METTL15: variants seen among roughly 807,000 people sequenced by gnomAD.
METTL15 encodes 12S rRNA N(4)-cytidine methyltransferase METTL15.
Under a neutral mutation model 38.3 loss-of-function variants are expected in METTL15, and 34 were observed. The ratio of observed to expected loss-of-function variants is 0.89; its 90% CI spans 0.68 to 1.18. METTL15 has a LOEUF of 1.18. Ranked by LOEUF, METTL15 falls within the 50% of genes most tolerant of loss-of-function variation. METTL15 has a pLI of 0.00. For synonymous variants in METTL15, 162 were observed against 170.9 expected (o/e 0.95, Z 0.41); for missense variants, 438 against 498.4 (o/e 0.88, Z 1.15).
chr11:28,294,050 C>T (rs1856633083), intron 5 of METTL15, among the ~76,000 whole-genome samples: 1 of 152,082 alleles, frequency 6.6e-6, no homozygotes, highest in Admixed American at 6.6e-5. Flanking sequence ...CCTTTATTTC[C>T]TTCTCCTGCC....
intron 6 of METTL15, among the ~76,000 whole-genome samples, chr11:28,504,813 C>A (rs763573292): frequency 5.3e-5 from 8 of 152,208 alleles, no homozygotes; most frequent in Admixed American, 2.6e-4. Context: ...GTTTAAACAG[C>A]CACAGAGCAA....
At chr11:28,437,715 C>A (rs1850995471) in intron 6 of METTL15, among the ~76,000 whole-genome samples, 1 of 152,126 alleles carries the variant, frequency 6.6e-6, no homozygotes, top group African/African-American at 2.4e-5. Context: ...TTTATTTTGC[C>A]TAGTACTAGA....
rs567497622 is a variant in METTL15, at chr11:28,137,639, C to T, written c.270+24035C>T. 2.2e-4 allele frequency among the ~76,000 whole-genome samples: 33 copies of T among 152,238 alleles called. 2 individuals are homozygous for T. In the South Asian group the frequency reaches 5.8e-3, roughly 27 times the overall value. ...AGCCAAAGAAGCAGTTTGTAACCTT[C>T]GAACATGTAGCAAACCTAGTATCTG... On this transcript the variant is annotated intron_variant, in intron 3 of 6. Coordinates refer to ENST00000407364, the MANE Select transcript of METTL15 (RefSeq NM_001113528.2).
intron 6 of METTL15, among the ~76,000 whole-genome samples, chr11:28,429,353 C>CTCTCCT (rs1850892144): frequency 1.1e-5 from 1 of 91,220 alleles, no homozygotes; most frequent in Non-Finnish European, 2.3e-5. Context: ...AACAGTAGCC[C>CTCTCCT]TCTCCCTCTC....
intron 3 of METTL15, among the ~76,000 whole-genome samples, chr11:28,193,516 A>G (rs1851776875): frequency 6.6e-6 from 1 of 152,054 alleles, no homozygotes; most frequent in Admixed American, 6.6e-5. Context: ...CCCATAATCC[A>G]ATTGCCTCCC....
chr11:28,370,215 A>C (rs958473334), intron 5 of METTL15, among the ~76,000 whole-genome samples: 1 of 151,814 alleles, frequency 6.6e-6, no homozygotes, highest in Admixed American at 6.6e-5. Flanking sequence ...TCATCCCCCC[A>C]TCTCCCCTAC....
At chr11:28,160,187 G>A (rs181337383) in intron 3 of METTL15, among the ~76,000 whole-genome samples, 1 of 151,856 alleles carries the variant, frequency 6.6e-6, no homozygotes, top group Non-Finnish European at 1.5e-5. Context: ...TTTGGCACTC[G>A]AACTGAGTTC....
intron 4 of METTL15, chr11:28,287,154 CAATGTGTGTGTGTGT>C (rs1200134142): frequency 1.2e-5 from 1 of 85,382 alleles, no homozygotes; most frequent in African/African-American, 4.9e-5. Context: ...GAGAGAGAGA[CAATGTGTGTGTGTGT>C]GTGTGTGTGT....
At chr11:28,489,427 G>A (rs1407774362) in intron 6 of METTL15, among the ~76,000 whole-genome samples, 1 of 152,136 alleles carries the variant, frequency 6.6e-6, no homozygotes, top group Non-Finnish European at 1.5e-5. Flanking sequence ...GCATTCACCT[G>A]TTATCGACAG....
intron 5 of METTL15, among the ~76,000 whole-genome samples, chr11:28,371,763 T>A (rs966591052): frequency 6.6e-6 from 1 of 152,006 alleles, no homozygotes; most frequent in African/African-American, 2.4e-5. Context: ...CCATTGTACA[T>A]GGGTTTGCTT....
At chr11:28,350,806 T>C (rs1850034652) in intron 3 of METTL15, among the ~76,000 whole-genome samples, 1 of 152,220 alleles carries the variant, frequency 6.6e-6, no homozygotes, top group Admixed American at 6.5e-5. Flanking sequence ...TTCTGCTATA[T>C]TTGGGGAAAT....
chr11:28,430,568 C>A (rs1186944195), intron 6 of METTL15, among the ~76,000 whole-genome samples: 1 of 44,876 alleles, frequency 2.2e-5, no homozygotes, highest in Non-Finnish European at 5.1e-5. Context: ...AGCCCCCCGC[C>A]TGGCCAGCCG....
chr11:28,349,106 C>G (rs1404743850), intron 3 of METTL15, among the ~76,000 whole-genome samples: 2 of 152,244 alleles, frequency 1.3e-5, no homozygotes, highest in Non-Finnish European at 2.9e-5. Flanking sequence ...ACATCTACAA[C>G]TAAAACTAAT....
intron 6 of METTL15, among the ~76,000 whole-genome samples, chr11:28,506,809 A>G (rs1851631809): frequency 1.4e-5 from 2 of 147,982 alleles, no homozygotes; most frequent in African/African-American, 2.5e-5. Context: ...CAGTGGCACA[A>G]TCTTGGCTCA....
intron 4 of METTL15, among the ~76,000 whole-genome samples, chr11:28,269,539 ATGT>A (rs1328301512): frequency 6.6e-6 from 1 of 152,078 alleles, no homozygotes; most frequent in Non-Finnish European, 1.5e-5. Context: ...AATTAACTGC[ATGT>A]TGTTGTTATT....
intron 4 of METTL15, among the ~76,000 whole-genome samples, chr11:28,247,520 C>A (rs1169188620): frequency 6.6e-6 from 1 of 152,036 alleles, no homozygotes; most frequent in African/African-American, 2.4e-5. Context: ...GAAATGAATT[C>A]ATACTTTAAT....
chr11:28,340,327 T>C (rs1464618971), intron 3 of METTL15, among the ~76,000 whole-genome samples: 1 of 152,162 alleles, frequency 6.6e-6, no homozygotes, highest in East Asian at 1.9e-4. Flanking sequence ...CATAGTCCGA[T>C]GTGCCCTCTC....
intron 6 of METTL15, among the ~76,000 whole-genome samples, chr11:28,446,630 C>A: frequency 6.6e-6 from 1 of 152,282 alleles, no homozygotes; most frequent in Non-Finnish European, 1.5e-5. Flanking sequence ...TACACATCAT[C>A]ATAGCAATAA....
intron 3 of METTL15, among the ~76,000 whole-genome samples, chr11:28,149,533 C>T (rs1850007423): frequency 6.6e-6 from 1 of 151,860 alleles, no homozygotes; most frequent in Admixed American, 6.6e-5. Flanking sequence ...TTGCAGGTTA[C>T]CTTTCCTTCT....
Sources: gnomAD v4.1 joint callset for allele counts (sites outside exome capture counted in the v4.1 genomes callset) on GRCh38, gnomAD v4.1.1 for gene constraint, MANE v1.5 for transcripts, NCBI Gene and HGNC (gene_info 2026-07-23, HGNC 2026-07-21) for gene names.